Variants in GPC5 observed in about 807,000 individuals in gnomAD.
GPC5 encodes glypican-5.
Under a neutral mutation model 53.9 loss-of-function variants are expected in GPC5, and 47 were observed. That is an observed-to-expected ratio of 0.87 (90% CI 0.69 to 1.11). The LOEUF (loss-of-function observed/expected upper bound fraction) is 1.11, where lower values mean the gene tolerates loss of function less well. Among genes scored for constraint, GPC5 ranks in the 50% most tolerant of loss-of-function variants. GPC5 has a pLI of 0.00. For synonymous variants in GPC5, 286 were observed against 263.3 expected (o/e 1.09, Z -0.84); for missense variants, 748 against 713.1 (o/e 1.05, Z -0.56).
At chr13:92,804,843 A>G (rs1877034942) in intron 7 of GPC5, among the ~76,000 whole-genome samples, 1 of 152,054 alleles carries the variant, frequency 6.6e-6, no homozygotes, top group Non-Finnish European at 1.5e-5. Flanking sequence ...TTTATGTAAT[A>G]TTCTACATAT....
intron 7 of GPC5, among the ~76,000 whole-genome samples, chr13:92,302,702 C>G (rs2043083803): frequency 1.3e-5 from 2 of 152,190 alleles, no homozygotes; most frequent in Non-Finnish European, 2.9e-5. Flanking sequence ...TTTGGGCTAA[C>G]TGCAATTTAT....
At chr13:91,764,807 A>G (rs1266487016) in intron 5 of GPC5, among the ~76,000 whole-genome samples, 3 of 152,146 alleles carry the variant, frequency 2.0e-5, no homozygotes, top group African/African-American at 7.2e-5. Context: ...GAGATGATGG[A>G]TCAAAAGTGA....
At chr13:92,006,771 A>G (rs1187108739) in intron 6 of GPC5, among the ~76,000 whole-genome samples, 1 of 152,154 alleles carries the variant, frequency 6.6e-6, no homozygotes, top group African/African-American at 2.4e-5. Flanking sequence ...AAACATACAC[A>G]CACACACAGA....
chr13:91,854,117 A>G (rs1594618886), intron 5 of GPC5, among the ~76,000 whole-genome samples: 1 of 71,822 alleles, frequency 1.4e-5, no homozygotes, highest in East Asian at 1.5e-3. Flanking sequence ...AGCAAGTAGG[A>G]AAAAAAAAGA....
At chr13:91,543,819 A>AC (rs1417875075) in intron 2 of GPC5, among the ~76,000 whole-genome samples, 3 of 152,188 alleles carry the variant, frequency 2.0e-5, no homozygotes, top group African/African-American at 7.2e-5. Context: ...AAATTATTTT[A>AC]CTATAGAGCC....
At chr13:91,714,674 C>G (rs2036297517) in intron 3 of GPC5, among the ~76,000 whole-genome samples, 1 of 151,800 alleles carries the variant, frequency 6.6e-6, no homozygotes, top group Admixed American at 6.6e-5. Context: ...CTGGGAAGGA[C>G]AAGCTGTGAG....
Position 91,948,488 on chromosome 13 carries a change from G to A in GPC5, c.1401+40431G>A, listed in dbSNP as rs73612907. On this transcript the variant is annotated intron_variant, in intron 6 of 7. Coordinates refer to ENST00000377067, the MANE Select transcript of GPC5 (RefSeq NM_004466.6). Reference sequence around the variant, plus strand: ...ATGAATTCTCTCTTATGGAACCTACGGTCTAATCTGGGAAAGAATTTGAGG... The same window carrying A: ...ATGAATTCTCTCTTATGGAACCTACAGTCTAATCTGGGAAAGAATTTGAGG... 1.9e-3 allele frequency among the ~76,000 whole-genome samples: 289 copies of A among 151,824 alleles called. 1 individual carries two copies. Among genetic ancestry groups the A allele is most frequent in the African/African-American group, 6.4e-3 (266 of 41,326 alleles).
chr13:91,727,126 T>G (rs968622802), intron 3 of GPC5, among the ~76,000 whole-genome samples: 2 of 152,232 alleles, frequency 1.3e-5, no homozygotes, highest in East Asian at 1.9e-4. Flanking sequence ...TGTGTAACTT[T>G]CATCTCAACT....
At chr13:92,682,407 A>C (rs1887139128) in intron 7 of GPC5, among the ~76,000 whole-genome samples, 1 of 152,200 alleles carries the variant, frequency 6.6e-6, no homozygotes, top group Admixed American at 6.5e-5. Context: ...ATAAGTGGTT[A>C]TGAAAAAATA....
chr13:92,762,466 C>T (rs1875223290), intron 7 of GPC5, among the ~76,000 whole-genome samples: 2 of 152,042 alleles, frequency 1.3e-5, no homozygotes, highest in Non-Finnish European at 2.9e-5. Context: ...CAAAGATTTT[C>T]TTATATGTGA....
At chr13:92,368,058 C>T (rs752907665) in intron 7 of GPC5, among the ~76,000 whole-genome samples, 104 of 152,232 alleles carry the variant, frequency 6.8e-4, no homozygotes, top group Non-Finnish European at 1.1e-3. Flanking sequence ...GATCTCGGCT[C>T]ACTGCAACCT....
intron 7 of GPC5, among the ~76,000 whole-genome samples, chr13:92,805,289 A>C (rs976397737): frequency 6.6e-6 from 1 of 152,080 alleles, no homozygotes; most frequent in Non-Finnish European, 1.5e-5. Flanking sequence ...AAGTAAGAAG[A>C]CTTCAAAATC....
chr13:92,131,663 G>T (rs549615216), intron 6 of GPC5, among the ~76,000 whole-genome samples: 1 of 151,942 alleles, frequency 6.6e-6, no homozygotes, highest in East Asian at 1.9e-4. Context: ...TGTAAACAGA[G>T]GTCAGTATAG....
chr13:92,138,289 G>T (rs142818821), intron 6 of GPC5, among the ~76,000 whole-genome samples: 23 of 152,190 alleles, frequency 1.5e-4, no homozygotes, highest in African/African-American at 5.5e-4. Context: ...GGGATGCCAA[G>T]GTGGGCAGAT....
At chr13:92,139,600 G>A (rs2041813894) in intron 6 of GPC5, among the ~76,000 whole-genome samples, 1 of 148,614 alleles carries the variant, frequency 6.7e-6, no homozygotes, top group Non-Finnish European at 1.5e-5. Flanking sequence ...CTGGGAGGCA[G>A]AGGTTGCAGT....
At position 92,006,789 on chromosome 13, in the gene GPC5, G is replaced by C. The variant is rs1253089181; in HGVS notation, c.1401+98732G>C. On this transcript the variant is annotated intron_variant, in intron 6 of 7. Coordinates refer to ENST00000377067, the MANE Select transcript of GPC5 (RefSeq NM_004466.6). ...CATACACACACACACAGATATAGTA[G>C]AAGTATATTCTTTGCCTAATTTTGT... Among the ~76,000 whole-genome samples, 2 of 152,052 alleles carry C rather than the reference G, an allele frequency of 1.3e-5. 1 individual carries two copies. The highest frequency in any genetic ancestry group is 2.9e-5 in the Non-Finnish European group (2 of 67,962).
At chr13:91,747,369 C>A (rs529140858) in intron 4 of GPC5, among the ~76,000 whole-genome samples, 37 of 152,268 alleles carry the variant, frequency 2.4e-4, no homozygotes, top group African/African-American at 8.9e-4. Flanking sequence ...AGCAATGAAG[C>A]AATAACTATG....
intron 5 of GPC5, among the ~76,000 whole-genome samples, chr13:91,769,167 G>A (rs374506427): frequency 3.9e-5 from 6 of 152,126 alleles, no homozygotes; most frequent in African/African-American, 1.4e-4. Flanking sequence ...GTCCAAAGGT[G>A]GTCTGAAGGT....
In GPC5 at chr13:92,429,724, T is replaced by C. The variant is rs566040004; in HGVS notation, c.1561+284735T>C. ...GTATATTTATTTGCAAAGATGTGTATTATACATTCTAAATGTTGAACACTA... is the reference window on the plus strand; with the variant it reads ...GTATATTTATTTGCAAAGATGTGTACTATACATTCTAAATGTTGAACACTA... On this transcript the variant is annotated intron_variant, in intron 7 of 7. Transcript: ENST00000377067. Among the ~76,000 whole-genome samples the C allele has an allele frequency of 4.6e-5, 7 of 152,238 alleles. No individual in the cohort carries two copies. In the East Asian group the frequency reaches 1.2e-3, roughly 25 times the overall value.
Sources: allele counts gnomAD v4.1 joint callset (sites outside exome capture counted in the v4.1 genomes callset), GRCh38; gene constraint gnomAD v4.1.1; transcripts MANE v1.5; gene names NCBI Gene and HGNC (gene_info 2026-07-23, HGNC 2026-07-21).